FAF1: variants seen among roughly 807,000 people sequenced by gnomAD.
FAF1 encodes the protein FAS-associated factor 1.
In FAF1, 25 loss-of-function variants were observed where a neutral mutation model predicts 92.5. The observed-to-expected ratio is 0.27, with a 90% CI of 0.20 to 0.38. The LOEUF (loss-of-function observed/expected upper bound fraction) is 0.38, where lower values mean the gene tolerates loss of function less well. FAF1 is among the 10% of genes least tolerant of loss of function. The pLI is 1.00. For synonymous variants in FAF1, 234 were observed against 273.2 expected, an observed-to-expected ratio of 0.86 and a Z score of 1.42; for missense variants, 636 against 793.3, an observed-to-expected ratio of 0.80 and a Z score of 2.38.
At chr1:50,650,850 C>T (rs1025973496) in intron 8 of FAF1, among the ~76,000 whole-genome samples, 3 of 152,186 alleles carry the variant, frequency 2.0e-5, no homozygotes, top group Non-Finnish European at 4.4e-5. Context: ...CTTGTTCTCA[C>T]AGCTGAACTG....
rs1259297499 is a variant in FAF1 at position 50,583,287 on chromosome 1, A to C, written c.1031+365T>G. Among the ~76,000 whole-genome samples, 2 of 151,914 alleles carry C rather than the reference A, an allele frequency of 1.3e-5. No homozygotes were observed. Among genetic ancestry groups the C allele is most frequent in the African/African-American group, 4.8e-5 (2 of 41,468 alleles). On this transcript the variant is annotated intron_variant, in intron 11 of 18. Transcript: ENST00000396153. This position sits in a 1 kb window ranked among gnomAD's most constrained non-coding sequence, Gnocchi z 4.2. ...AAAGGAAAAAATTCACTTGGATTTA[A>C]AATGTTTAAAGTATTTTTAAATTTA...
intron 1 of FAF1, among the ~76,000 whole-genome samples, chr1:50,937,052 A>G (rs1259278385): frequency 1.3e-5 from 2 of 152,066 alleles, no homozygotes; most frequent in African/African-American, 2.4e-5. Context: ...CAAGTTGACA[A>G]AGTTCTTCAT....
chr1:50,949,871 T>A (rs1645200631), intron 1 of FAF1, among the ~76,000 whole-genome samples: 2 of 152,244 alleles, frequency 1.3e-5, no homozygotes, highest in Non-Finnish European at 2.9e-5. Flanking sequence ...ACCATTCTTT[T>A]TTTTTCGAGA....
chr1:50,528,301 A>G (rs1238478234), intron 15 of FAF1, among the ~76,000 whole-genome samples: 1 of 152,144 alleles, frequency 6.6e-6, no homozygotes, highest in Non-Finnish European at 1.5e-5. Flanking sequence ...GGGATTTTGC[A>G]TCTTCTCTGC....
At chr1:50,507,424 G>A (rs2149020140) in intron 15 of FAF1, among the ~76,000 whole-genome samples, 1 of 152,310 alleles carries the variant, frequency 6.6e-6, no homozygotes, top group African/African-American at 2.4e-5. Flanking sequence ...TTTTTACGGG[G>A]ACTAGTTAGG....
intron 1 of FAF1, among the ~76,000 whole-genome samples, chr1:50,903,521 A>G (rs1644812654): frequency 6.6e-6 from 1 of 152,198 alleles, no homozygotes; most frequent in Admixed American, 6.6e-5. Flanking sequence ...TAGTATATGT[A>G]TAAATTAAAT....
intron 1 of FAF1, among the ~76,000 whole-genome samples, chr1:50,861,859 C>A (rs752915090): frequency 1.3e-5 from 2 of 151,730 alleles, no homozygotes; most frequent in Non-Finnish European, 2.9e-5. Flanking sequence ...AGCAAGACAG[C>A]AGCCATCTGC....
intron 1 of FAF1, among the ~76,000 whole-genome samples, chr1:50,867,236 A>C (rs758000508): frequency 1.2e-4 from 18 of 152,188 alleles, no homozygotes; most frequent in Non-Finnish European, 1.9e-4. Flanking sequence ...ACAACTCAAG[A>C]AGATAACATT....
At chr1:50,826,984 G>A (rs1385881541) in intron 2 of FAF1, among the ~76,000 whole-genome samples, 5 of 137,914 alleles carry the variant, frequency 3.6e-5, no homozygotes, top group African/African-American at 5.5e-5. Flanking sequence ...CTGCCCGGCC[G>A]CCCATCGTCT....
At chr1:50,607,790 C>T (rs1652494843) in intron 8 of FAF1, among the ~76,000 whole-genome samples, 1 of 152,194 alleles carries the variant, frequency 6.6e-6, no homozygotes, top group Non-Finnish European at 1.5e-5. Flanking sequence ...ACAAATCTTC[C>T]AGATAAACCT....
intron 13 of FAF1, among the ~76,000 whole-genome samples, chr1:50,552,885 T>G (rs1019451226): frequency 6.6e-6 from 1 of 152,122 alleles, no homozygotes; most frequent in Non-Finnish European, 1.5e-5. Flanking sequence ...CCAGCATTAT[T>G]GTGTGCTTAT....
At chr1:50,499,111 G>A (rs1646947046) in intron 15 of FAF1, among the ~76,000 whole-genome samples, 1 of 152,120 alleles carries the variant, frequency 6.6e-6, no homozygotes, top group Non-Finnish European at 1.5e-5. Flanking sequence ...TGCTTCAAAT[G>A]TGAAAGGATC....
At chr1:50,479,910 C>CA (rs774077712) in intron 17 of FAF1, among the ~76,000 whole-genome samples, 11 of 152,106 alleles carry the variant, frequency 7.2e-5, no homozygotes, top group Non-Finnish European at 1.2e-4. Context: ...AAAAAAATAA[C>CA]AAAAATACAT....
chr1:50,562,482 A>G (rs116273703), intron 13 of FAF1, among the ~76,000 whole-genome samples: 3,639 of 152,312 alleles, frequency 0.024, 67 homozygotes, highest in Non-Finnish European at 0.037. Flanking sequence ...AGTAAAGAAG[A>G]GCAAAATCTG....
At chr1:50,877,286 C>T (rs1237419085) in intron 1 of FAF1, among the ~76,000 whole-genome samples, 1 of 152,162 alleles carries the variant, frequency 6.6e-6, no homozygotes, top group African/African-American at 2.4e-5. Context: ...TTCCCAAGTC[C>T]CATAGTTCCA....
chr1:50,456,222 A>G (rs957950375), intron 18 of FAF1, among the ~76,000 whole-genome samples: 2 of 152,138 alleles, frequency 1.3e-5, no homozygotes, highest in Admixed American at 1.3e-4. Context: ...CCTCCTGAGT[A>G]GCAGGGACTA....
intron 8 of FAF1, among the ~76,000 whole-genome samples, chr1:50,608,681 T>G (rs553627460): frequency 1.2e-4 from 18 of 152,352 alleles, no homozygotes; most frequent in South Asian, 6.2e-4. Flanking sequence ...TTTGTATCAC[T>G]GACAACGAAG....
intron 8 of FAF1, among the ~76,000 whole-genome samples, chr1:50,605,135 T>G (rs1212604435): frequency 6.6e-6 from 1 of 152,158 alleles, no homozygotes; most frequent in African/African-American, 2.4e-5. Context: ...TGTTTGTTTG[T>G]TTTTTTAATC....
At chr1:50,460,818 G>A (rs997794862) in intron 18 of FAF1, among the ~76,000 whole-genome samples, 48 of 151,780 alleles carry the variant, frequency 3.2e-4, no homozygotes, top group African/African-American at 1.1e-3. Context: ...ATGTGTGTGT[G>A]TGTGTGTGTG....
Sources: gnomAD v4.1 joint callset for allele counts (sites outside exome capture counted in the v4.1 genomes callset) on GRCh38, gnomAD v4.1.1 for gene constraint, Gnocchi (gnomAD v3.1) non-coding constraint, MANE v1.5 for transcripts, NCBI Gene and HGNC (gene_info 2026-07-23, HGNC 2026-07-21) for gene names.